Variants in SDAD1 observed in about 807,000 individuals in gnomAD.
SDAD1 encodes the protein protein SDA1 homolog.
Under a neutral mutation model 100.3 loss-of-function variants are expected in SDAD1, and 79 were observed. The ratio of observed to expected loss-of-function variants is 0.79; its 90% CI spans 0.66 to 0.95. The LOEUF is 0.95. Ranked by LOEUF, SDAD1 falls within the 40% of genes least tolerant of loss-of-function variation. The pLI is 0.00. For missense variants in SDAD1, 790 were observed against 810.9 expected (o/e 0.97, Z 0.31); for synonymous variants, 267 against 271.4 (o/e 0.98, Z 0.16).
chr4:75,976,670 C>T (rs1464646012), intron 4 of SDAD1, among the ~76,000 whole-genome samples: 9 of 152,012 alleles, frequency 5.9e-5, no homozygotes, highest in Non-Finnish European at 4.4e-5. Context: ...GCTGTGAATA[C>T]ACTAAAAAAC....
intron 21 of SDAD1, among the ~76,000 whole-genome samples, chr4:75,953,758 T>C (rs187372531): frequency 2.2e-4 from 33 of 152,280 alleles, no homozygotes; most frequent in East Asian, 2.1e-3. Context: ...ATTCACAATA[T>C]GAGACTGTTT....
At chr4:75,985,623 G>A (rs1036674218) in intron 1 of SDAD1, among the ~76,000 whole-genome samples, 1 of 151,952 alleles carries the variant, frequency 6.6e-6, no homozygotes, top group Admixed American at 6.6e-5. Context: ...ATAATACTTG[G>A]TGATTTCGTA....
chr4:75,990,064 G>A (rs1323337287), intron 1 of SDAD1, among the ~76,000 whole-genome samples: 1 of 152,102 alleles, frequency 6.6e-6, no homozygotes, highest in African/African-American at 2.4e-5. Flanking sequence ...AACCACTTTC[G>A]TTTTGTCGGT....
intron 1 of SDAD1, among the ~76,000 whole-genome samples, chr4:75,985,495 T>C (rs1229155278): frequency 1.3e-5 from 2 of 152,222 alleles, no homozygotes; most frequent in East Asian, 1.9e-4. Flanking sequence ...TTGAATCTTA[T>C]GCCACAAGAC....
At chr4:75,954,741 G>A (rs1316518347) in intron 21 of SDAD1, among the ~76,000 whole-genome samples, 2 of 152,188 alleles carry the variant, frequency 1.3e-5, no homozygotes, top group Admixed American at 1.3e-4. Flanking sequence ...GCTTCCCCCT[G>A]CAGAGAGCCT....
At chr4:75,963,707 C>T (rs1052493592) in intron 14 of SDAD1, among the ~76,000 whole-genome samples, 5 of 152,086 alleles carry the variant, frequency 3.3e-5, no homozygotes, top group Admixed American at 3.3e-4. Flanking sequence ...TGCTCTCTTC[C>T]CCTTGTGCCT....
chr4:75,990,619 T>G, intron 1 of SDAD1, 133 bp downstream of exon 1: 2 of 1,590,192 alleles, frequency 1.3e-6, no homozygotes, highest in Non-Finnish European at 1.7e-6. Context: ...CCTTCTCTCC[T>G]CTGGAGGGAC....
chr4:75,956,682 T>G (rs1728915151), intron 20 of SDAD1, among the ~76,000 whole-genome samples: 1 of 152,200 alleles, frequency 6.6e-6, no homozygotes, highest in Non-Finnish European at 1.5e-5. Context: ...CTGGTGACTG[T>G]AAACACATTC....
At chr4:75,984,186 A>G (rs1318591128) in intron 1 of SDAD1, among the ~76,000 whole-genome samples, 10 of 150,184 alleles carry the variant, frequency 6.7e-5, no homozygotes, top group Non-Finnish European at 1.3e-4. Context: ...AAAAAAGACT[A>G]GGTCTCCCTC....
At chr4:75,970,626 T>C (rs1465353985) in intron 9 of SDAD1, among the ~76,000 whole-genome samples, 1 of 152,202 alleles carries the variant, frequency 6.6e-6, no homozygotes, top group Non-Finnish European at 1.5e-5. Flanking sequence ...ACATTAATAA[T>C]ATGGTTTGGC....
chr4:75,959,578 TG>T (rs1372491504), intron 17 of SDAD1, among the ~76,000 whole-genome samples: 1 of 151,450 alleles, frequency 6.6e-6, no homozygotes, highest in East Asian at 1.9e-4. Flanking sequence ...CACTCCAGCC[TG>T]GGCAAGAGCG....
At chr4:75,953,671 A>G (rs2149305827) in intron 21 of SDAD1, among the ~76,000 whole-genome samples, 1 of 152,292 alleles carries the variant, frequency 6.6e-6, no homozygotes, top group Non-Finnish European at 1.5e-5. Context: ...ACCCACAGAC[A>G]CAGCACTGCC....
At chr4:75,981,313 T>C (rs1730494925) in intron 3 of SDAD1, 59 bp downstream of exon 3, 2 of 1,468,574 alleles carry the variant, frequency 1.4e-6, no homozygotes, top group Non-Finnish European at 1.9e-6. Flanking sequence ...CATTTAAATA[T>C]ATATGAACGC....
intron 4 of SDAD1, among the ~76,000 whole-genome samples, chr4:75,976,274 A>G (rs1730156512): frequency 6.6e-6 from 1 of 152,242 alleles, no homozygotes. Context: ...ACAAACATTC[A>G]TAGCAGCCTT....
At chr4:75,969,275 G>C in intron 11 of SDAD1, 21 bp downstream of exon 11, 1 of 1,570,428 alleles carries the variant, frequency 6.4e-7, no homozygotes, top group Non-Finnish European at 8.7e-7. Context: ...TTCACCAAGA[G>C]AAACATAATA....
intron 20 of SDAD1, among the ~76,000 whole-genome samples, chr4:75,956,889 C>A (rs1258716831): frequency 6.6e-6 from 1 of 152,154 alleles, no homozygotes; most frequent in Non-Finnish European, 1.5e-5. Flanking sequence ...GCGGGTGGAT[C>A]GCATGAGGCC....
intron 13 of SDAD1, among the ~76,000 whole-genome samples, chr4:75,965,543 A>G (rs1729488544): frequency 6.6e-6 from 1 of 152,168 alleles, no homozygotes; most frequent in African/African-American, 2.4e-5. Context: ...CTTGTGGGGC[A>G]TCACAGAACC....
chr4:75,978,982 G>GAAAAAAA lies in SDAD1; in HGVS notation c.295-1233_295-1227dup, dbSNP rs538009004. Reference sequence around the variant, plus strand: ...CAGCTGAGTGACAGACCCTGTCTCAGAAAAAAAAAAAAAAAAAAAAAAAAA... The same window carrying GAAAAAAA: ...CAGCTGAGTGACAGACCCTGTCTCAGAAAAAAAAAAAAAAAAAAAAAAAAAAAAAAAA... On this transcript the variant is annotated intron_variant, in intron 3 of 21. Coordinates refer to ENST00000356260, the MANE Select transcript of SDAD1 (RefSeq NM_018115.4). Among the ~76,000 whole-genome samples the GAAAAAAA allele has an allele frequency of 3.3e-3, 124 of 38,062 alleles. 3 individuals carry two copies. The highest frequency in any genetic ancestry group is 6.1e-3 in the African/African-American group (104 of 17,024). The allele number at this position is 38,062 out of a possible 152,430, so 25.0% of individuals were successfully genotyped here.
chr4:75,961,141 A>G (rs753327616), intron 15 of SDAD1, 37 bp from the exon 16 acceptor site: 16 of 1,608,568 alleles, frequency 9.9e-6, no homozygotes, highest in Non-Finnish European at 1.3e-5. Context: ...ATTCTGGCCC[A>G]TAGAGTACAA....
Sources: allele counts gnomAD v4.1 joint callset (sites outside exome capture counted in the v4.1 genomes callset), GRCh38; gene constraint gnomAD v4.1.1; transcripts MANE v1.5; gene names NCBI Gene and HGNC (gene_info 2026-07-23, HGNC 2026-07-21).